CCDC60: variants seen among roughly 807,000 people sequenced by gnomAD.
CCDC60 encodes the protein coiled-coil domain containing 60, also known as coiled-coil domain-containing protein 60.
CCDC60 carries 54 observed loss-of-function variants against 63.5 expected under a neutral mutation model. The observed-to-expected ratio is 0.85, with a 90% CI of 0.68 to 1.07. CCDC60 has a LOEUF of 1.07. CCDC60 is among the 50% of genes least tolerant of loss of function. The probability of loss-of-function intolerance (pLI) is 0.00; values close to 1 mark genes in which losing one functional copy is unlikely to be tolerated. For synonymous variants in CCDC60, 206 were observed against 238.8 expected, an observed-to-expected ratio of 0.86 and a Z score of 1.27; for missense variants, 651 against 684.3, an observed-to-expected ratio of 0.95 and a Z score of 0.54.
chr12:119,381,107 C>T (rs1293197486), intron 1 of CCDC60, among the ~76,000 whole-genome samples: 4 of 152,160 alleles, frequency 2.6e-5, no homozygotes, highest in East Asian at 3.8e-4. Context: ...GGTCACCACT[C>T]GGTAAGGCAC....
At chr12:119,362,759 A>T (rs567243613) in intron 1 of CCDC60, among the ~76,000 whole-genome samples, 1 of 152,318 alleles carries the variant, frequency 6.6e-6, no homozygotes, top group Admixed American at 6.5e-5. Context: ...GTGAACATAT[A>T]CACTAGATTT....
intron 1 of CCDC60, among the ~76,000 whole-genome samples, chr12:119,407,454 C>T (rs950428814): frequency 6.6e-6 from 1 of 152,144 alleles, no homozygotes; most frequent in African/African-American, 2.4e-5. Context: ...ATCACTTGAG[C>T]CCGAGAGTTC....
At chr12:119,393,704 A>C (rs184577060) in intron 1 of CCDC60, among the ~76,000 whole-genome samples, 10 of 152,364 alleles carry the variant, frequency 6.6e-5, no homozygotes, top group Admixed American at 5.9e-4. Flanking sequence ...GAGCCTTCAA[A>C]GTGGCAACTC....
chr12:119,528,767 A>T (rs775580906), intron 12 of CCDC60, 21 bp downstream of exon 12: 2 of 1,609,242 alleles, frequency 1.2e-6, no homozygotes, highest in African/African-American at 2.7e-5. Context: ...TAAGAACCAG[A>T]TAAGATGGTC....
chr12:119,540,649 G>A lies in CCDC60; in HGVS notation c.1587G>A (p.Glu529=), dbSNP rs1176082873. The A allele has an allele frequency of 2.5e-6, 4 of 1,613,884 alleles. No homozygotes were observed. The highest frequency in any genetic ancestry group is 3.4e-6 in the Non-Finnish European group (4 of 1,179,988). The part of the protein sequence containing the change: ...VREHIIHMPQ[E]DYISWLQSRI... ...AACACATCATCCATATGCCTCAAGA[G>A]GATTACATCAGCTGGCTGCAGAGCC... The change falls in exon 14 of 14, where the codon GAG becomes GAA. Residue 529 remains glutamate, a synonymous_variant. Coordinates refer to ENST00000327554, the MANE Select transcript of CCDC60 (RefSeq NM_178499.5).
intron 1 of CCDC60, among the ~76,000 whole-genome samples, chr12:119,398,307 C>T (rs1956321189): frequency 6.6e-6 from 1 of 152,064 alleles, no homozygotes; most frequent in Non-Finnish European, 1.5e-5. Flanking sequence ...CACTGCCAGG[C>T]ACCGGCACCG....
chr12:119,425,168 G>A (rs1956879862), intron 1 of CCDC60, among the ~76,000 whole-genome samples: 1 of 152,152 alleles, frequency 6.6e-6, no homozygotes, highest in Admixed American at 6.5e-5. Flanking sequence ...GAAAATTTCT[G>A]ATGTGCTTAT....
At chr12:119,364,755 G>A (rs926788119) in intron 1 of CCDC60, among the ~76,000 whole-genome samples, 4 of 152,172 alleles carry the variant, frequency 2.6e-5, no homozygotes, top group East Asian at 1.9e-4. Flanking sequence ...GGAGATCCAC[G>A]GGGCGATCTC....
intron 1 of CCDC60, among the ~76,000 whole-genome samples, chr12:119,402,839 T>C (rs1023149418): frequency 6.6e-6 from 1 of 152,168 alleles, no homozygotes; most frequent in Non-Finnish European, 1.5e-5. Flanking sequence ...TGGGGTTGTC[T>C]TGACAAAAAT....
At chr12:119,339,333 A>G (rs191921948) in intron 1 of CCDC60, among the ~76,000 whole-genome samples, 23 of 152,354 alleles carry the variant, frequency 1.5e-4, no homozygotes, top group Admixed American at 6.5e-4. Flanking sequence ...AAAGGTTTGC[A>G]ATCCTTTATA....
chr12:119,393,730 C>G (rs1265733917), intron 1 of CCDC60, among the ~76,000 whole-genome samples: 1 of 152,202 alleles, frequency 6.6e-6, no homozygotes, highest in Non-Finnish European at 1.5e-5. Context: ...CACACCTGGA[C>G]AGGCTTCAAG....
intron 10 of CCDC60, 129 bp downstream of exon 10, chr12:119,523,130 G>A: frequency 1.2e-6 from 1 of 853,356 alleles, no homozygotes; most frequent in African/African-American, 1.7e-5. Flanking sequence ...GATGCTGAAG[G>A]ACAAGGGATC....
At chr12:119,451,037 G>T (rs780989607) in intron 2 of CCDC60, among the ~76,000 whole-genome samples, 2 of 152,128 alleles carry the variant, frequency 1.3e-5, no homozygotes, top group Non-Finnish European at 2.9e-5. Flanking sequence ...GGGGAGAGAT[G>T]ATGACAGCTT....
intron 1 of CCDC60, among the ~76,000 whole-genome samples, chr12:119,383,623 A>G (rs1243761701): frequency 6.6e-6 from 1 of 152,244 alleles, no homozygotes; most frequent in East Asian, 1.9e-4. Flanking sequence ...AAAATAGCAT[A>G]TCTGAGCATT....
chr12:119,370,930 G>A (rs578195782), intron 1 of CCDC60, among the ~76,000 whole-genome samples: 1 of 152,116 alleles, frequency 6.6e-6, no homozygotes, highest in Non-Finnish European at 1.5e-5. Flanking sequence ...CACTTAAGAG[G>A]CTGAGGTGAG....
chr12:119,421,011 G>A (rs933321928), intron 1 of CCDC60, among the ~76,000 whole-genome samples: 17 of 152,100 alleles, frequency 1.1e-4, no homozygotes, highest in Admixed American at 9.2e-4. Flanking sequence ...CAGCAAGCTC[G>A]CTTCTCAGTG....
rs1013040154 is a variant in CCDC60, at chr12:119,482,177, C to T, written c.449+2976C>T. Among the ~76,000 whole-genome samples the T allele has an allele frequency of 2.0e-5, 3 of 149,536 alleles. No individual in the cohort carries two copies. The Admixed American group carries it at 2.0e-4, about 10-fold the overall frequency. On this transcript the variant is annotated intron_variant, in intron 4 of 13. Transcript: ENST00000327554. ...ACACACATACACACACACACACACA[C>T]ATATATATATGCCACAGCTTCTTTA... is the stretch of plus-strand genomic sequence containing the variant.
chr12:119,427,178 G>A (rs1045036569), intron 1 of CCDC60, among the ~76,000 whole-genome samples: 1 of 152,026 alleles, frequency 6.6e-6, no homozygotes, highest in African/African-American at 2.4e-5. Context: ...ATGCACATCA[G>A]CTAAGAAAAA....
At chr12:119,359,430 T>G (rs1592988578) in intron 1 of CCDC60, among the ~76,000 whole-genome samples, 1 of 152,320 alleles carries the variant, frequency 6.6e-6, no homozygotes, top group South Asian at 2.1e-4. Flanking sequence ...AGGTGTTGAT[T>G]GCATGGAAAT....
Sources: allele counts gnomAD v4.1 joint callset (sites outside exome capture counted in the v4.1 genomes callset), GRCh38; gene constraint gnomAD v4.1.1; transcripts MANE v1.5; gene names NCBI Gene and HGNC (gene_info 2026-07-23, HGNC 2026-07-21).